Variants in GRM7 observed in about 807,000 individuals in gnomAD.
The protein encoded by GRM7 is glutamate metabotropic receptor 7.
In GRM7, 35 loss-of-function variants were observed where a neutral mutation model predicts 84.5. That is an observed-to-expected ratio of 0.41 (90% CI 0.32 to 0.55). The LOEUF is 0.55. GRM7 is among the 20% of genes least tolerant of loss of function. GRM7 has a pLI of 0.19. For synonymous variants in GRM7, 487 were observed against 455.1 expected, an observed-to-expected ratio of 1.07 and a Z score of -0.89; for missense variants, 1,003 against 1,194.6, an observed-to-expected ratio of 0.84 and a Z score of 2.36.
chr3:7,039,283 C>T (rs1483093290), intron 1 of GRM7, among the ~76,000 whole-genome samples: 1 of 152,142 alleles, frequency 6.6e-6, no homozygotes, highest in Non-Finnish European at 1.5e-5. Flanking sequence ...ATTCCTGTCA[C>T]TATCCTAACC....
rs547642281 is a variant in GRM7, at chr3:7,298,730, A to G, written c.783A>G (p.Lys261=). 2 of 1,613,598 alleles carry G rather than the reference A, an allele frequency of 1.2e-6. No homozygotes were observed. The highest frequency in any genetic ancestry group is 2.7e-5 in the African/African-American group (2 of 75,024). The change falls in exon 3 of 10, where the codon AAA becomes AAG. Residue 261 remains lysine (K), a synonymous_variant. Transcript: ENST00000357716. ...CCGTGAGAATCCCCCAGGAACGCAA[A>G]GACAGGACCATTGACTTTGATAGAA... ...AQSVRIPQER[K]DRTIDFDRII...
At position 6,936,476 on chromosome 3, in the gene GRM7, T is replaced by C. The variant is rs1033728445; in HGVS notation, c.519+74569T>C. Reference sequence around the variant, plus strand: ...CCTGGATTTCTTCTTAGCCTGAGGGTAACTTGTTATTCCTCATATCTGCTA... The same window carrying C: ...CCTGGATTTCTTCTTAGCCTGAGGGCAACTTGTTATTCCTCATATCTGCTA... On this transcript the variant is annotated intron_variant, in intron 1 of 9. Transcript: ENST00000357716. 2.0e-5 allele frequency among the ~76,000 whole-genome samples: 3 copies of C among 152,158 alleles called. No homozygotes were observed. The East Asian group carries it at 5.8e-4, about 29-fold the overall frequency.
chr3:7,462,827 C>T (rs778858884), intron 7 of GRM7, among the ~76,000 whole-genome samples: 121 of 152,098 alleles, frequency 8.0e-4, no homozygotes, highest in Non-Finnish European at 6.3e-4. Context: ...AAAGATTATG[C>T]TCTGGCATTT....
At chr3:7,223,093 A>C (rs1485118033) in intron 2 of GRM7, among the ~76,000 whole-genome samples, 1 of 152,146 alleles carries the variant, frequency 6.6e-6, no homozygotes, top group Non-Finnish European at 1.5e-5. Context: ...GTATATGTTG[A>C]CTAACTTATA....
At chr3:7,667,584 A>C (rs1030865476) in intron 8 of GRM7, among the ~76,000 whole-genome samples, 1 of 152,176 alleles carries the variant, frequency 6.6e-6, no homozygotes, top group Non-Finnish European at 1.5e-5. Context: ...GTTTCATTTC[A>C]GAAGTCAGAT....
intron 9 of GRM7, among the ~76,000 whole-genome samples, chr3:7,735,474 T>G (rs1702472301): frequency 6.8e-6 from 1 of 147,270 alleles, no homozygotes; most frequent in Admixed American, 6.7e-5. Flanking sequence ...ATTTCTTTTT[T>G]GATTTGCTAA....
intron 1 of GRM7, among the ~76,000 whole-genome samples, chr3:7,026,385 C>A (rs185460539): frequency 1.3e-5 from 2 of 152,282 alleles, no homozygotes; most frequent in South Asian, 2.1e-4. Flanking sequence ...ATGACCAAAT[C>A]CTTAATAAAA....
intron 2 of GRM7, among the ~76,000 whole-genome samples, chr3:7,153,358 T>C (rs1694348136): frequency 6.6e-6 from 1 of 152,116 alleles, no homozygotes. Context: ...CACAGCACCC[T>C]ATTTAAACTC....
At chr3:7,079,358 A>G (rs941109768) in intron 1 of GRM7, among the ~76,000 whole-genome samples, 3 of 152,168 alleles carry the variant, frequency 2.0e-5, no homozygotes, top group African/African-American at 7.2e-5. Flanking sequence ...AGGACAGACA[A>G]TAAAGGTCAC....
intron 7 of GRM7, among the ~76,000 whole-genome samples, chr3:7,549,914 T>C (rs1693364642): frequency 6.6e-6 from 1 of 152,250 alleles, no homozygotes; most frequent in Non-Finnish European, 1.5e-5. Context: ...TAGAAAGCTA[T>C]GAAATGAACA....
chr3:7,300,056 C>T (rs2125023734), intron 3 of GRM7, among the ~76,000 whole-genome samples: 1 of 151,800 alleles, frequency 6.6e-6, no homozygotes, highest in Non-Finnish European at 1.5e-5. Flanking sequence ...AAATATGTCC[C>T]TTCTTAAAAA....
intron 1 of GRM7, among the ~76,000 whole-genome samples, chr3:7,016,022 C>T (rs1009092412): frequency 2.0e-5 from 3 of 152,124 alleles, no homozygotes; most frequent in Admixed American, 6.5e-5. Flanking sequence ...ATAATTACCA[C>T]AAAGTACAAC....
At chr3:7,065,180 G>T (rs1416712479) in intron 1 of GRM7, among the ~76,000 whole-genome samples, 1 of 151,820 alleles carries the variant, frequency 6.6e-6, no homozygotes, top group African/African-American at 2.4e-5. Context: ...CTGTGCAAAA[G>T]CTCTTTAGTT....
intron 9 of GRM7, among the ~76,000 whole-genome samples, chr3:7,698,798 C>T (rs976259428): frequency 2.6e-5 from 4 of 152,136 alleles, no homozygotes; most frequent in Non-Finnish European, 4.4e-5. Context: ...CAGTTAAGTA[C>T]CCCCGGGCTA....
chr3:6,983,224 T>G (rs1254518583), intron 1 of GRM7, among the ~76,000 whole-genome samples: 5 of 152,206 alleles, frequency 3.3e-5, no homozygotes, highest in Non-Finnish European at 2.9e-5. Flanking sequence ...TCTCTGACTA[T>G]CCAAGATTGT....
intron 2 of GRM7, among the ~76,000 whole-genome samples, chr3:7,267,199 C>A (rs1315046167): frequency 2.0e-5 from 3 of 152,144 alleles, no homozygotes; most frequent in African/African-American, 2.4e-5. Context: ...TACAGGAAAT[C>A]AAAAGCTCCA....
chr3:7,569,919 C>T (rs947248156), intron 7 of GRM7, among the ~76,000 whole-genome samples: 3 of 152,168 alleles, frequency 2.0e-5, no homozygotes, highest in Non-Finnish European at 2.9e-5. Context: ...CGCGAGGGTC[C>T]GTGGCTTCAT....
chr3:7,150,752 A>G (rs1435294978), intron 2 of GRM7, among the ~76,000 whole-genome samples: 4 of 152,234 alleles, frequency 2.6e-5, no homozygotes, highest in Non-Finnish European at 5.9e-5. Context: ...CAGGTCAGCA[A>G]AAATGACCTA....
intron 1 of GRM7, among the ~76,000 whole-genome samples, chr3:6,996,831 G>T (rs1181503869): frequency 6.6e-6 from 1 of 152,152 alleles, no homozygotes; most frequent in African/African-American, 2.4e-5. Context: ...TTACTCACCA[G>T]AATCAAAATC....
Sources: allele counts gnomAD v4.1 joint callset (sites outside exome capture counted in the v4.1 genomes callset), GRCh38; gene constraint gnomAD v4.1.1; transcripts MANE v1.5; gene names NCBI Gene and HGNC (gene_info 2026-07-23, HGNC 2026-07-21).